The following CNTN4 variants were observed in gnomAD, a reference collection of about 807,000 sequenced individuals.
The protein encoded by CNTN4 is contactin 4.
Under a neutral mutation model 122.5 loss-of-function variants are expected in CNTN4, and 77 were observed. That is an observed-to-expected ratio of 0.63 (90% CI 0.52 to 0.76). The LOEUF (loss-of-function observed/expected upper bound fraction) is 0.76, where lower values mean the gene tolerates loss of function less well. Ranked by LOEUF, CNTN4 falls within the 30% of genes least tolerant of loss-of-function variation. The probability of loss-of-function intolerance (pLI) is 0.00; values close to 1 mark genes in which losing one functional copy is unlikely to be tolerated. For missense variants in CNTN4, 1,256 were observed against 1,259.1 expected, an observed-to-expected ratio of 1.00 and a Z score of 0.04; for synonymous variants, 512 against 447.0, an observed-to-expected ratio of 1.15 and a Z score of -1.83.
chr3:2,225,223 AC>A (rs1368724397), intron 2 of CNTN4, among the ~76,000 whole-genome samples: 1 of 146,410 alleles, frequency 6.8e-6, no homozygotes, highest in Non-Finnish European at 1.5e-5. Flanking sequence ...TTGCTTTAAA[AC>A]CCAGGTCCTG....
chr3:2,426,607 T>C (rs965049207), intron 3 of CNTN4, among the ~76,000 whole-genome samples: 3 of 152,124 alleles, frequency 2.0e-5, no homozygotes, highest in Non-Finnish European at 1.5e-5. Flanking sequence ...GGAGGATTCC[T>C]TCTTTTTCTA....
chr3:3,022,791 C>G (rs1698412400), intron 14 of CNTN4, among the ~76,000 whole-genome samples: 1 of 152,086 alleles, frequency 6.6e-6, no homozygotes, highest in Non-Finnish European at 1.5e-5. Flanking sequence ...AGCATCAGTC[C>G]TCTGGAGTTC....
At chr3:2,382,948 G>A (rs1023304843) in intron 3 of CNTN4, among the ~76,000 whole-genome samples, 10 of 152,028 alleles carry the variant, frequency 6.6e-5, no homozygotes, top group Admixed American at 2.0e-4. Flanking sequence ...GGTGGCAGGC[G>A]CCTGTAATTC....
Position 2,881,001 on chromosome 3 carries a change from A to G in CNTN4, c.653-2144A>G, listed in dbSNP as rs184501689. On this transcript the variant is annotated intron_variant, in intron 8 of 24. Coordinates refer to ENST00000418658, the MANE Select transcript of CNTN4 (RefSeq NM_175607.3). Reference sequence around the variant, plus strand: ...AAGGTTGCTGAACCAAATGATATCAAAGGTCCCTTCCAAATCCAACACTCC... The same window carrying G: ...AAGGTTGCTGAACCAAATGATATCAGAGGTCCCTTCCAAATCCAACACTCC... 1.3e-3 allele frequency among the ~76,000 whole-genome samples: 203 copies of G among 152,332 alleles called. 1 individual carries two copies. Among genetic ancestry groups the G allele is most frequent in the African/African-American group, 3.6e-3 (149 of 41,572 alleles).
At chr3:2,543,486 C>T (rs1241589016) in intron 3 of CNTN4, among the ~76,000 whole-genome samples, 1 of 152,054 alleles carries the variant, frequency 6.6e-6, no homozygotes, top group East Asian at 1.9e-4. Flanking sequence ...GAGGGGATAA[C>T]AGTGTGTACG....
Position 2,640,821 on chromosome 3 carries a change from T to G in CNTN4, c.55+69263T>G, listed in dbSNP as rs1177326937. Among the ~76,000 whole-genome samples the G allele has an allele frequency of 2.0e-5, 3 of 152,332 alleles. No individual in the cohort carries two copies. The East Asian group carries it at 5.8e-4, about 29-fold the overall frequency. On this transcript the variant is annotated intron_variant, in intron 4 of 24. Coordinates refer to ENST00000418658, the MANE Select transcript of CNTN4 (RefSeq NM_175607.3). The stretch of plus-strand genomic sequence containing the variant: ...ATTGACTTTGGAACCAGAGAGTCCC[T>G]TCTAACAATGCAGCTATTCCTAGGA...
chr3:2,383,630 C>G (rs910674586), intron 3 of CNTN4, among the ~76,000 whole-genome samples: 1 of 150,824 alleles, frequency 6.6e-6, no homozygotes, highest in Non-Finnish European at 1.5e-5. Context: ...CCTCTCTCCC[C>G]CTCTCCCTCT....
chr3:2,700,512 T>G (rs2086295050), intron 4 of CNTN4, among the ~76,000 whole-genome samples: 1 of 152,218 alleles, frequency 6.6e-6, no homozygotes, highest in Non-Finnish European at 1.5e-5. Flanking sequence ...CTTCCTGGAT[T>G]TATTCTGTTT....
chr3:2,690,063 C>T (rs2085646916), intron 4 of CNTN4, among the ~76,000 whole-genome samples: 1 of 152,094 alleles, frequency 6.6e-6, no homozygotes, highest in Non-Finnish European at 1.5e-5. Flanking sequence ...CCTATGAGGT[C>T]CAGATGAGCT....
At chr3:2,368,989 A>T (rs2150631106) in intron 3 of CNTN4, among the ~76,000 whole-genome samples, 1 of 152,184 alleles carries the variant, frequency 6.6e-6, no homozygotes, top group South Asian at 2.1e-4. Flanking sequence ...CAGTGGCAAG[A>T]TCTCGGCTCC....
chr3:2,252,355 G>A (rs185946007), intron 2 of CNTN4, among the ~76,000 whole-genome samples: 21 of 151,412 alleles, frequency 1.4e-4, no homozygotes, highest in African/African-American at 4.8e-4. Flanking sequence ...TCTCTTTTTG[G>A]GATCTTATTG....
At chr3:2,228,963 G>C (rs2039386298) in intron 2 of CNTN4, among the ~76,000 whole-genome samples, 1 of 152,068 alleles carries the variant, frequency 6.6e-6, no homozygotes, top group African/African-American at 2.4e-5. Context: ...CCACTTTTCT[G>C]CATCCATATG....
At chr3:2,438,844 C>G (rs774498498) in intron 3 of CNTN4, among the ~76,000 whole-genome samples, 3 of 152,144 alleles carry the variant, frequency 2.0e-5, no homozygotes, top group Non-Finnish European at 4.4e-5. Flanking sequence ...TTCTGATTGA[C>G]TGATCTGATT....
chr3:2,645,724 A>G (rs2083086997), intron 4 of CNTN4, among the ~76,000 whole-genome samples: 1 of 152,206 alleles, frequency 6.6e-6, no homozygotes, highest in African/African-American at 2.4e-5. Flanking sequence ...TTAGCCAAAT[A>G]TCACACTTGA....
chr3:2,448,157 G>A (rs536325631), intron 3 of CNTN4, among the ~76,000 whole-genome samples: 11 of 152,128 alleles, frequency 7.2e-5, no homozygotes, highest in East Asian at 1.9e-4. Context: ...TGAGGTGAGC[G>A]TAGCCAAGCC....
intron 2 of CNTN4, among the ~76,000 whole-genome samples, chr3:2,119,953 A>AG (rs1324042435): frequency 2.0e-5 from 3 of 152,176 alleles, no homozygotes; most frequent in African/African-American, 7.2e-5. Flanking sequence ...GATCTAGTGT[A>AG]GGTGGCAGAG....
chr3:2,562,423 T>A (rs2078995723), intron 3 of CNTN4, among the ~76,000 whole-genome samples: 1 of 152,136 alleles, frequency 6.6e-6, no homozygotes, highest in Non-Finnish European at 1.5e-5. Flanking sequence ...ACTGTTCCCA[T>A]CTTTATGTCC....
intron 3 of CNTN4, among the ~76,000 whole-genome samples, chr3:2,475,422 T>C (rs970814131): frequency 3.9e-5 from 6 of 152,120 alleles, no homozygotes; most frequent in African/African-American, 1.2e-4. Context: ...CTATGTGGAG[T>C]AGGATCCAGT....
Position 2,595,657 on chromosome 3 carries a change from T to C in CNTN4, c.55+24099T>C, listed in dbSNP as rs557544224. On this transcript the variant is annotated intron_variant, in intron 4 of 24. Coordinates refer to ENST00000418658, the MANE Select transcript of CNTN4 (RefSeq NM_175607.3). ...TCCCTTGTGTGGAGGTGGAAGCCCC[T>C]GGTTGTATGATAAGCTGAGCTTGGG... 7.2e-5 allele frequency among the ~76,000 whole-genome samples: 11 copies of C among 152,260 alleles called. No homozygotes were observed. The South Asian group carries it at 8.3e-4, about 11-fold the overall frequency.
Sources: allele counts gnomAD v4.1 joint callset (sites outside exome capture counted in the v4.1 genomes callset), GRCh38; gene constraint gnomAD v4.1.1; transcripts MANE v1.5; gene names NCBI Gene and HGNC (gene_info 2026-07-23, HGNC 2026-07-21).